Variants in PLEKHA6 observed in about 807,000 individuals in gnomAD.
The protein encoded by PLEKHA6 is pleckstrin homology domain-containing family A member 6.
In PLEKHA6, 60 loss-of-function variants were observed where a neutral mutation model predicts 116.7. That is an observed-to-expected ratio of 0.51 (90% CI 0.42 to 0.64). PLEKHA6 has a LOEUF of 0.64. PLEKHA6 is among the 30% of genes least tolerant of loss of function. The probability of loss-of-function intolerance (pLI) is 0.00; values close to 1 mark genes in which losing one functional copy is unlikely to be tolerated. For missense variants in PLEKHA6, 1,338 were observed against 1,422.7 expected (o/e 0.94, Z 0.96); for synonymous variants, 489 against 556.1 (o/e 0.88, Z 1.70).
intron 3 of PLEKHA6, among the ~76,000 whole-genome samples, chr1:204,272,149 C>T (rs1038908641): frequency 2.0e-5 from 3 of 152,050 alleles, no homozygotes; most frequent in Non-Finnish European, 4.4e-5. Context: ...CAGGAGAAAA[C>T]CCTGCCTCCT....
intron 1 of PLEKHA6, among the ~76,000 whole-genome samples, chr1:204,348,650 G>T (rs1199771354): frequency 6.6e-6 from 1 of 151,958 alleles, no homozygotes; most frequent in African/African-American, 2.4e-5. Flanking sequence ...TTTGGCCTGG[G>T]TATTCCACAG....
At chr1:204,305,871 T>G (rs1671249598) in intron 1 of PLEKHA6, among the ~76,000 whole-genome samples, 1 of 152,236 alleles carries the variant, frequency 6.6e-6, no homozygotes, top group Non-Finnish European at 1.5e-5. Context: ...ATATGATTTC[T>G]TAGGCTTAAA....
At chr1:204,348,002 C>T (rs1160888236) in intron 1 of PLEKHA6, among the ~76,000 whole-genome samples, 1 of 152,164 alleles carries the variant, frequency 6.6e-6, no homozygotes, top group African/African-American at 2.4e-5. Context: ...TCTACTCACC[C>T]AGCTGGAGCT....
intron 9 of PLEKHA6, among the ~76,000 whole-genome samples, chr1:204,255,145 TA>T (rs1327981386): frequency 6.6e-6 from 1 of 152,194 alleles, no homozygotes; most frequent in Non-Finnish European, 1.5e-5. Flanking sequence ...AATATTACTT[TA>T]AAAATCATCC....
intron 1 of PLEKHA6, among the ~76,000 whole-genome samples, chr1:204,305,374 C>T (rs1374806567): frequency 1.3e-5 from 2 of 152,200 alleles, no homozygotes; most frequent in Non-Finnish European, 2.9e-5. Flanking sequence ...TAATCCATCC[C>T]TCCTGCTGAC....
chr1:204,223,064 T>C lies in PLEKHA6; in HGVS notation c.*9-285A>G, dbSNP rs1410544882. Among the ~76,000 whole-genome samples the C allele has an allele frequency of 6.6e-6, 1 of 152,164 alleles. No individual in the cohort carries two copies. The highest frequency in any genetic ancestry group is 1.5e-5 in the Non-Finnish European group (1 of 68,028). ...AAGATCTGGGAGTGGAGAAACAGCT[T>C]CTGAGGGCTTCTGAAGGTTCTGCAT... is the stretch of plus-strand genomic sequence containing the variant. On this transcript the variant is annotated intron_variant, in intron 22 of 22. Coordinates refer to ENST00000272203, the MANE Select transcript of PLEKHA6 (RefSeq NM_014935.5). This position sits in a 1 kb window ranked among gnomAD's most constrained non-coding sequence, Gnocchi z 4.8.
intron 3 of PLEKHA6, 60 bp from the exon 4 acceptor site, chr1:204,268,372 C>G: frequency 1.6e-6 from 2 of 1,222,768 alleles, no homozygotes; most frequent in Non-Finnish European, 2.3e-6. Flanking sequence ...GCTTTATCTG[C>G]AAGGGAGCCA....
intron 12 of PLEKHA6, 99 bp from the exon 13 acceptor site, chr1:204,247,559 A>C: frequency 1.3e-6 from 1 of 750,978 alleles, no homozygotes; most frequent in Non-Finnish European, 2.3e-6. Flanking sequence ...AGAGGCACAA[A>C]GATCTGGGGA....
chr1:204,339,287 G>A (rs1413766207), intron 1 of PLEKHA6, among the ~76,000 whole-genome samples: 1 of 152,190 alleles, frequency 6.6e-6, no homozygotes, highest in African/African-American at 2.4e-5. Flanking sequence ...CCAAGCAAGG[G>A]CTACCCCTCC....
chr1:204,337,757 TG>T (rs1211557564), intron 1 of PLEKHA6, among the ~76,000 whole-genome samples: 4 of 151,816 alleles, frequency 2.6e-5, no homozygotes, highest in Admixed American at 6.6e-5. Context: ...TGTGCTCCAG[TG>T]GAAGGGGAGG....
intron 17 of PLEKHA6, among the ~76,000 whole-genome samples, chr1:204,234,362 C>T (rs561988009): frequency 2.4e-4 from 37 of 152,140 alleles, no homozygotes; most frequent in Non-Finnish European, 5.3e-4. Context: ...GACTTCTAGC[C>T]TCCACAACTG....
chr1:204,248,604 G>A (rs1664105707), intron 12 of PLEKHA6, among the ~76,000 whole-genome samples: 1 of 152,230 alleles, frequency 6.6e-6, no homozygotes, highest in Non-Finnish European at 1.5e-5. Context: ...TGGGAAATAA[G>A]CTCATTTCCT....
At chr1:204,225,678 A>C (rs1285576650) in intron 21 of PLEKHA6, among the ~76,000 whole-genome samples, 1 of 152,250 alleles carries the variant, frequency 6.6e-6, no homozygotes, top group Non-Finnish European at 1.5e-5. Context: ...ATACATGTAC[A>C]TTTATGCTCC....
intron 1 of PLEKHA6, among the ~76,000 whole-genome samples, chr1:204,323,666 A>G (rs1467637535): frequency 6.6e-6 from 1 of 152,246 alleles, no homozygotes. Flanking sequence ...GGTGCTCAGT[A>G]TGTGTTTGTC....
intron 1 of PLEKHA6, chr1:204,317,278 G>A (rs996636651): frequency 1.2e-4 from 98 of 835,126 alleles, no homozygotes; most frequent in Non-Finnish European, 1.4e-4. Flanking sequence ...CTCCAGGCAG[G>A]GGCTCCAGTT....
intron 1 of PLEKHA6, among the ~76,000 whole-genome samples, chr1:204,337,851 G>A (rs534552505): frequency 6.6e-5 from 10 of 152,330 alleles, no homozygotes; most frequent in South Asian, 2.1e-4. Flanking sequence ...GGGCAAACCC[G>A]TCAACTGCGT....
intron 15 of PLEKHA6, chr1:204,243,113 C>A: frequency 2.5e-6 from 1 of 399,336 alleles, no homozygotes; most frequent in Non-Finnish European, 4.4e-6. Flanking sequence ...GTGATGGGTA[C>A]CTGCCCCCTG....
At chr1:204,267,682 G>A (rs1666984311) in intron 4 of PLEKHA6, 135 bp from the exon 5 acceptor site, 4 of 714,184 alleles carry the variant, frequency 5.6e-6, no homozygotes, top group Non-Finnish European at 9.9e-6. Context: ...TTAATGCACG[G>A]CAGCAACCCC....
intron 1 of PLEKHA6, among the ~76,000 whole-genome samples, chr1:204,375,360 A>G (rs2103422616): frequency 6.6e-6 from 1 of 152,110 alleles, no homozygotes; most frequent in South Asian, 2.1e-4. Flanking sequence ...TCCCCTTGCC[A>G]TACTCCTGAC....
Sources: gnomAD v4.1 joint callset for allele counts (sites outside exome capture counted in the v4.1 genomes callset) on GRCh38, gnomAD v4.1.1 for gene constraint, Gnocchi (gnomAD v3.1) non-coding constraint, MANE v1.5 for transcripts, NCBI Gene and HGNC (gene_info 2026-07-23, HGNC 2026-07-21) for gene names.